PDE6D: variants seen among roughly 807,000 people sequenced by gnomAD.
The protein encoded by PDE6D is retinal rod rhodopsin-sensitive cGMP 3',5'-cyclic phosphodiesterase subunit delta.
In PDE6D, 10 loss-of-function variants were observed where a neutral mutation model predicts 21.9. The observed-to-expected ratio is 0.46, with a 90% confidence interval of 0.28 to 0.78. The LOEUF (loss-of-function observed/expected upper bound fraction) is 0.78, where lower values mean the gene tolerates loss of function less well. Among genes scored for constraint, PDE6D ranks in the 30% least tolerant of loss-of-function variants. PDE6D has a pLI of 0.12. For missense variants in PDE6D, 139 were observed against 184.8 expected (o/e 0.75, Z 1.44); for synonymous variants, 59 against 63.5 (o/e 0.93, Z 0.34).
chr2:231,769,654 C>A (rs2049000145), intron 1 of PDE6D, among the ~76,000 whole-genome samples: 1 of 152,042 alleles, frequency 6.6e-6, no homozygotes, highest in African/African-American at 2.4e-5. Context: ...TGCTCTGTTG[C>A]CCAGGCTGGA....
At chr2:231,735,795 G>A (rs1039048798) in intron 4 of PDE6D, among the ~76,000 whole-genome samples, 1 of 151,784 alleles carries the variant, frequency 6.6e-6, no homozygotes, top group Non-Finnish European at 1.5e-5. Context: ...AGGTTGAGGC[G>A]GGTGGATCAC....
At chr2:231,737,523 C>G (rs758275284) in intron 3 of PDE6D, 35 of 448,714 alleles carry the variant, frequency 7.8e-5, no homozygotes, top group Non-Finnish European at 1.3e-4. Flanking sequence ...GGACTAGGAC[C>G]AGCGAGCAGG....
At chr2:231,770,760 C>T (rs2049008628) in intron 1 of PDE6D, among the ~76,000 whole-genome samples, 1 of 152,098 alleles carries the variant, frequency 6.6e-6, no homozygotes, top group Non-Finnish European at 1.5e-5. Context: ...TGAGACGGGT[C>T]TGGCCAACGT....
At chr2:231,775,967 ATTT>A (rs1483076159) in intron 1 of PDE6D, among the ~76,000 whole-genome samples, 2 of 152,176 alleles carry the variant, frequency 1.3e-5, no homozygotes, top group Non-Finnish European at 2.9e-5. Context: ...ATAAAGTTAT[ATTT>A]TTATGTTGAT....
chr2:231,772,191 A>G (rs183269388), intron 1 of PDE6D, among the ~76,000 whole-genome samples: 56 of 151,216 alleles, frequency 3.7e-4, no homozygotes, highest in Non-Finnish European at 6.6e-4. Flanking sequence ...AACTCTTTTC[A>G]TCTTTAGGTT....
intron 1 of PDE6D, among the ~76,000 whole-genome samples, chr2:231,776,604 T>C (rs1295699359): frequency 6.6e-5 from 10 of 152,236 alleles, no homozygotes; most frequent in Admixed American, 4.6e-4. Context: ...TTTGAAGATA[T>C]TCCTTCTAAA....
intron 4 of PDE6D, among the ~76,000 whole-genome samples, chr2:231,733,397 G>A (rs144736662): frequency 6.6e-5 from 10 of 152,286 alleles, no homozygotes; most frequent in African/African-American, 2.4e-4. Flanking sequence ...ATAGAAGCCT[G>A]CAGACCTCAG....
At position 231,736,622 on chromosome 2, in the gene PDE6D, T is replaced by C. The variant is rs184541656; in HGVS notation, c.371+565A>G. Among the ~76,000 whole-genome samples the C allele has an allele frequency of 1.5e-3, 229 of 152,322 alleles. 3 individuals carry two copies. The highest frequency in any genetic ancestry group is 5.2e-3 in the African/African-American group (215 of 41,578). ...GGAACAGGAACCAAAGCTATTAATA[T>C]GGTAAGCCATTCTCCAAAAAACTGT... On this transcript the variant is annotated intron_variant, in intron 4 of 4. Coordinates refer to ENST00000287600, the MANE Select transcript of PDE6D (RefSeq NM_002601.4).
At chr2:231,763,719 C>T (rs1344746755) in intron 1 of PDE6D, among the ~76,000 whole-genome samples, 6 of 151,252 alleles carry the variant, frequency 4.0e-5, no homozygotes, top group Non-Finnish European at 8.8e-5. Context: ...CACTGTAACC[C>T]CAAATTTTTG....
chr2:231,781,002 G>C, intron 1 of PDE6D, 63 bp downstream of exon 1: 1 of 1,435,922 alleles, frequency 7.0e-7, no homozygotes, highest in African/African-American at 1.4e-5. Flanking sequence ...CCCCCGGCCA[G>C]TCTCCTCAGT....
intron 1 of PDE6D, among the ~76,000 whole-genome samples, chr2:231,744,434 CTT>C (rs71396691): frequency 3.0e-4 from 41 of 136,108 alleles, no homozygotes; most frequent in Admixed American, 3.7e-4. Context: ...AATTGCTTTT[CTT>C]TTTTTTTTTT....
At chr2:231,760,455 G>A (rs1162757970) in intron 1 of PDE6D, among the ~76,000 whole-genome samples, 1 of 152,168 alleles carries the variant, frequency 6.6e-6, no homozygotes, top group African/African-American at 2.4e-5. Flanking sequence ...AATCTGTACA[G>A]GTTTGAGGAT....
intron 1 of PDE6D, among the ~76,000 whole-genome samples, chr2:231,749,250 C>T (rs543534470): frequency 5.3e-5 from 8 of 152,298 alleles, no homozygotes; most frequent in Admixed American, 2.0e-4. Context: ...CTTGCATCAC[C>T]GTGACCTGTT....
In PDE6D at chr2:231,733,027, G is replaced by A. The variant is rs758653268; in HGVS notation, c.378C>T (p.Asn126=). The change falls in exon 5 of 5, where the codon AAC becomes AAT. Residue 126 remains asparagine (N), a synonymous_variant. Coordinates refer to ENST00000287600, the MANE Select transcript of PDE6D (RefSeq NM_002601.4). ...CAAAAAACTTTGTTTCTATGATAAC[G>A]TTCCCACTGTAAGTAAGAAGAGAAA... The part of the protein sequence containing the change: ...QMMPASVLTG[N]VIIETKFFDD... 5 of 1,598,546 alleles carry A rather than the reference G, an allele frequency of 3.1e-6. No individual in the cohort carries two copies. The highest frequency in any genetic ancestry group is 1.3e-5 in the African/African-American group (1 of 74,724).
chr2:231,732,798 A>T lies in PDE6D; in HGVS notation c.*154T>A. 1.6e-6 allele frequency: 1 copy of T among 633,892 alleles called. No homozygotes were observed. Among genetic ancestry groups the T allele is most frequent in the Non-Finnish European group, 2.8e-6 (1 of 352,914 alleles). 39.3% of individuals were successfully genotyped at this position (633,892 alleles called of 1,614,324 possible). On this transcript the variant is annotated 3_prime_UTR_variant, in exon 5 of 5. Transcript: ENST00000287600. ...GAAAAAGAGCCATCTGGTTACCTAC[A>T]CAGAGCTGGTCCCCTGGTGGCTGCA... is the stretch of plus-strand genomic sequence containing the variant.
At chr2:231,773,341 A>G (rs1336945645) in intron 1 of PDE6D, among the ~76,000 whole-genome samples, 15 of 152,236 alleles carry the variant, frequency 9.9e-5, no homozygotes, top group Admixed American at 9.8e-4. Context: ...CAAGCTACCA[A>G]TCACAATCTA....
At chr2:231,733,781 C>T (rs551367399) in intron 4 of PDE6D, among the ~76,000 whole-genome samples, 2 of 152,022 alleles carry the variant, frequency 1.3e-5, no homozygotes, top group African/African-American at 2.4e-5. Flanking sequence ...AATGATGCAC[C>T]TGTATTGTGA....
chr2:231,756,601 CTTTTTTTTT>C (rs78576087), intron 1 of PDE6D, among the ~76,000 whole-genome samples: 1 of 116,456 alleles, frequency 8.6e-6, no homozygotes, highest in South Asian at 2.8e-4. Flanking sequence ...CTAAACCTGG[CTTTTTTTTT>C]TTTTTTTTTT....
chr2:231,763,706 G>A (rs2048949742), intron 1 of PDE6D, among the ~76,000 whole-genome samples: 1 of 150,356 alleles, frequency 6.7e-6, no homozygotes, highest in African/African-American at 2.5e-5. Flanking sequence ...TATGATTACA[G>A]CTCACTGTAA....
Sources: allele counts gnomAD v4.1 joint callset (sites outside exome capture counted in the v4.1 genomes callset), GRCh38; gene constraint gnomAD v4.1.1; transcripts MANE v1.5; gene names NCBI Gene and HGNC (gene_info 2026-07-23, HGNC 2026-07-21).